Variants in TEX10 observed in about 807,000 individuals in gnomAD.
TEX10 encodes testis expressed 10, also known as testis-expressed protein 10.
TEX10 carries 24 observed loss-of-function variants against 104.4 expected under a neutral mutation model. That is an observed-to-expected ratio of 0.23 (90% CI 0.17 to 0.32). The LOEUF (loss-of-function observed/expected upper bound fraction) is 0.32. Among genes scored for constraint, TEX10 ranks in the 10% least tolerant of loss-of-function variants. The pLI is 1.00. For synonymous variants in TEX10, 396 were observed against 393.4 expected, an observed-to-expected ratio of 1.01 and a Z score of -0.08; for missense variants, 921 against 1,083.9, an observed-to-expected ratio of 0.85 and a Z score of 2.11.
intron 13 of TEX10, 143 bp downstream of exon 13, chr9:100,308,357 A>G: frequency 1.5e-6 from 1 of 658,880 alleles, no homozygotes; most frequent in Non-Finnish European, 2.2e-6. Flanking sequence ...ACAAAGAAAA[A>G]GCTAGCTAGG....
At position 100,330,181 on chromosome 9, in the gene TEX10, GAC is replaced by G. The variant is rs529941922; in HGVS notation, c.1251-14_1251-13del. 4.9e-5 allele frequency: 76 copies of G among 1,542,974 alleles called. No individual in the cohort carries two copies. The highest frequency in any genetic ancestry group is 6.8e-5 in the East Asian group (3 of 44,314). ...TGCAATGCTTGATGCTAGAAACAAA[GAC>G]ACACACATCTATAAAGCATTACGTC... On this transcript the variant is annotated splice_polypyrimidine_tract_variant and intron_variant, in intron 5 of 14. Coordinates refer to ENST00000374902, the MANE Select transcript of TEX10 (RefSeq NM_017746.4).
chr9:100,306,442 C>G (rs938412483), intron 13 of TEX10: 3 of 152,134 alleles, frequency 2.0e-5, no homozygotes, highest in Non-Finnish European at 2.9e-5. Context: ...AGATTACTAC[C>G]TACAAACTAA....
chr9:100,343,278 C>T (rs1835217782), intron 4 of TEX10, among the ~76,000 whole-genome samples: 1 of 146,172 alleles, frequency 6.8e-6, no homozygotes, highest in African/African-American at 2.5e-5. Context: ...TAGGCAAGTG[C>T]TTATTGTATT....
Position 100,313,057 on chromosome 9 carries a change from G to A in TEX10, c.2203-2678C>T, listed in dbSNP as rs377565483. Among the ~76,000 whole-genome samples, 4 of 152,084 alleles carry A rather than the reference G, an allele frequency of 2.6e-5. No homozygotes were observed. In the East Asian group the frequency reaches 7.7e-4, roughly 29 times the overall value. On this transcript the variant is annotated intron_variant, in intron 11 of 14. Coordinates refer to ENST00000374902, the MANE Select transcript of TEX10 (RefSeq NM_017746.4). ...TACCAACAACAACAACAAAAGATTA[G>A]GTTGTAACTTGAACCTAGAGACTAC...
intron 4 of TEX10, among the ~76,000 whole-genome samples, chr9:100,344,913 T>C (rs554464902): frequency 5.1e-4 from 77 of 152,264 alleles, no homozygotes; most frequent in African/African-American, 1.8e-3. Context: ...TTCTTTTTTA[T>C]AGGACATCTT....
intron 1 of TEX10, chr9:100,352,452 C>G: frequency 6.4e-7 from 1 of 1,551,724 alleles, no homozygotes; most frequent in Non-Finnish European, 8.7e-7. Flanking sequence ...TCCTCCTACT[C>G]CAAGGGACGC....
chr9:100,303,261 TAAGA>T (rs1197576687), intron 14 of TEX10, among the ~76,000 whole-genome samples: 2 of 152,168 alleles, frequency 1.3e-5, no homozygotes, highest in South Asian at 2.1e-4. Context: ...CTTGGATAGG[TAAGA>T]AAGAAAGAAA....
At chr9:100,327,482 A>G (rs901599506) in intron 8 of TEX10, among the ~76,000 whole-genome samples, 1 of 151,684 alleles carries the variant, frequency 6.6e-6, no homozygotes, top group Non-Finnish European at 1.5e-5. Flanking sequence ...AGTAATAAAG[A>G]TATGTCTTGC....
rs1835432304 is a variant in TEX10 at position 100,351,184 on chromosome 9, C to T, written c.-10+1588G>A. ...GTACCTCAGAAAAGTTTGGAAGTCA[C>T]GCCTTTATCAAGAAGTTGAAAAGGG... On this transcript the variant is annotated intron_variant, in intron 1 of 14. Transcript: ENST00000374902. Among the ~76,000 whole-genome samples, 3 of 152,006 alleles carry T rather than the reference C, an allele frequency of 2.0e-5. No homozygotes were observed. The South Asian group carries it at 6.2e-4, about 32-fold the overall frequency.
intron 5 of TEX10, among the ~76,000 whole-genome samples, chr9:100,336,332 G>A (rs183050729): frequency 5.9e-5 from 9 of 152,228 alleles, no homozygotes; most frequent in Admixed American, 3.3e-4. Context: ...GGAGGTGAGC[G>A]GCAGGCAAAT....
intron 5 of TEX10, among the ~76,000 whole-genome samples, chr9:100,330,528 A>T (rs1191783948): frequency 2.0e-5 from 3 of 152,240 alleles, no homozygotes; most frequent in Non-Finnish European, 4.4e-5. Context: ...TGGAAATCAC[A>T]GTAGATCTTG....
chr9:100,320,903 C>A, intron 10 of TEX10, among the ~76,000 whole-genome samples: 1 of 152,234 alleles, frequency 6.6e-6, no homozygotes, highest in Non-Finnish European at 1.5e-5. Flanking sequence ...TCTATTTACA[C>A]TTGGCCTAAC....
intron 5 of TEX10, among the ~76,000 whole-genome samples, chr9:100,333,529 G>T (rs919348787): frequency 6.6e-6 from 1 of 151,752 alleles, no homozygotes; most frequent in Non-Finnish European, 1.5e-5. Context: ...AAACAAGCTG[G>T]GCATGGTGGC....
At position 100,346,250 on chromosome 9, in the gene TEX10, A is replaced by T; in HGVS notation, c.959T>A (p.Phe320Tyr). The T allele has an allele frequency of 6.2e-7, 1 of 1,614,078 alleles. No individual in the cohort carries two copies. Among genetic ancestry groups the T allele is most frequent in the Non-Finnish European group, 8.5e-7 (1 of 1,179,962 alleles). ...GLSSTENLKGFIEIIIPLLIE... is the reference protein window; with the variant it reads ...GLSSTENLKGYIEIIIPLLIE... ...TAGCAATGGAATTATTATCTCAATA[A>T]ATCCTTTCAGGTTTTCAGTAGATGA... is the stretch of plus-strand genomic sequence containing the variant. The change falls in exon 4 of 15, where the codon TTT becomes TAT. Residue 320 changes from phenylalanine (F) to tyrosine (Y), a missense_variant. Phe to Tyr is a conservative substitution (Grantham distance 22, BLOSUM62 3). Transcript: ENST00000374902.
intron 9 of TEX10, among the ~76,000 whole-genome samples, chr9:100,324,762 G>C (rs1338657082): frequency 1.3e-5 from 2 of 152,084 alleles, no homozygotes; most frequent in Non-Finnish European, 2.9e-5. Flanking sequence ...GTGATTTAAC[G>C]GAACTGAATG....
At chr9:100,302,783 C>G (rs1834026357) in intron 14 of TEX10, among the ~76,000 whole-genome samples, 1 of 152,204 alleles carries the variant, frequency 6.6e-6, no homozygotes, top group African/African-American at 2.4e-5. Context: ...TCCACTGCCA[C>G]TTCCATTACC....
chr9:100,319,920 C>T (rs929246356), intron 11 of TEX10, among the ~76,000 whole-genome samples: 9 of 151,962 alleles, frequency 5.9e-5, no homozygotes, highest in African/African-American at 1.9e-4. Flanking sequence ...TTCTTAAAAC[C>T]AAAGGAACTG....
chr9:100,341,508 C>T (rs1835171110), intron 4 of TEX10, among the ~76,000 whole-genome samples: 1 of 94,480 alleles, frequency 1.1e-5, no homozygotes, highest in Non-Finnish European at 2.0e-5. Context: ...CGATGTAACA[C>T]TGGCATCATC....
intron 5 of TEX10, among the ~76,000 whole-genome samples, chr9:100,339,010 T>C (rs2118912530): frequency 6.6e-6 from 1 of 151,928 alleles, no homozygotes; most frequent in Middle Eastern, 3.4e-3. Flanking sequence ...TTACAGCACT[T>C]TGGGAGGCTG....
Sources: gnomAD v4.1 joint callset for allele counts (sites outside exome capture counted in the v4.1 genomes callset) on GRCh38, gnomAD v4.1.1 for gene constraint, MANE v1.5 for transcripts, NCBI Gene and HGNC (gene_info 2026-07-23, HGNC 2026-07-21) for gene names.